The following P4HA2 variants were observed in gnomAD, a reference collection of about 807,000 sequenced individuals.
The protein encoded by P4HA2 is prolyl 4-hydroxylase subunit alpha-2.
A neutral mutation model predicts 76.9 loss-of-function variants in P4HA2; 46 were observed. The ratio of observed to expected loss-of-function variants is 0.60; its 90% CI spans 0.47 to 0.76. The LOEUF (loss-of-function observed/expected upper bound fraction) is 0.76. P4HA2 is among the 30% of genes least tolerant of loss of function. The probability of loss-of-function intolerance (pLI) is 0.00; values close to 1 mark genes in which losing one functional copy is unlikely to be tolerated. For missense variants in P4HA2, 583 were observed against 669.4 expected, an observed-to-expected ratio of 0.87 and a Z score of 1.42; for synonymous variants, 243 against 254.0, an observed-to-expected ratio of 0.96 and a Z score of 0.41.
chr5:132,203,451 T>G, intron 10 of P4HA2: 1 of 388,150 alleles, frequency 2.6e-6, no homozygotes, highest in Admixed American at 3.7e-5. Context: ...CCATTCAGGA[T>G]TTGAGCTTCT....
Position 132,223,146 on chromosome 5 carries a change from G to A in P4HA2, c.-18-4502C>T, listed in dbSNP as rs183771898. On this transcript the variant is annotated intron_variant, in intron 1 of 14. Coordinates refer to ENST00000360568, the MANE Select transcript of P4HA2 (RefSeq NM_001017974.2). ...CTCACTATCTCCAGACTCTGTTGAA[G>A]TACCAGACTGGCCTCCCCAGTGGCT... Among the ~76,000 whole-genome samples, 366 of 152,364 alleles carry A rather than the reference G, an allele frequency of 2.4e-3. 2 individuals carry two copies. The highest frequency in any genetic ancestry group is 4.0e-3 in the Non-Finnish European group (271 of 68,034).
At chr5:132,195,643 C>T (rs1281476567) in intron 12 of P4HA2, 163 bp from the exon 13 acceptor site, 2 of 651,382 alleles carry the variant, frequency 3.1e-6, no homozygotes, top group Admixed American at 2.2e-5. Context: ...AAGGCTCTTC[C>T]CATGCCTACT....
chr5:132,214,076 A>T (rs1336213857), intron 4 of P4HA2, 23 bp from the exon 5 acceptor site: 4 of 1,612,720 alleles, frequency 2.5e-6, no homozygotes, highest in Non-Finnish European at 3.4e-6. Context: ...AGTCAGAACA[A>T]GAGATTACCC....
At chr5:132,194,078 G>A (rs1750240841) in intron 14 of P4HA2, among the ~76,000 whole-genome samples, 1 of 151,858 alleles carries the variant, frequency 6.6e-6, no homozygotes, top group Admixed American at 6.6e-5. Context: ...TTCAACTTTG[G>A]AATTCTTTTA....
intron 1 of P4HA2, chr5:132,227,541 C>G (rs1193191317): frequency 1.3e-5 from 2 of 152,400 alleles, no homozygotes; most frequent in African/African-American, 4.8e-5. Flanking sequence ...CCGCTGACCT[C>G]ACCACCCTGA....
At position 132,193,005 on chromosome 5, in the gene P4HA2, G is replaced by C. The variant is rs1224324750; in HGVS notation, c.*5C>G. The stretch of plus-strand genomic sequence containing the variant: ...GACCAGGAAGGGGAAGGACAGAAAA[G>C]GATGTCAGTCAACTTCTGTTGATCC... On this transcript the variant is annotated 3_prime_UTR_variant, in exon 15 of 15. Coordinates refer to ENST00000360568, the MANE Select transcript of P4HA2 (RefSeq NM_001017974.2). 6.3e-7 allele frequency: 1 copy of C among 1,590,988 alleles called. No homozygotes were observed. The highest frequency in any genetic ancestry group is 1.7e-5 in the Admixed American group (1 of 59,984).
At chr5:132,209,448 C>A in intron 6 of P4HA2, 117 bp from the exon 7 acceptor site, 1 of 828,964 alleles carries the variant, frequency 1.2e-6, no homozygotes, top group South Asian at 1.6e-5. Flanking sequence ...CTGCATTCTA[C>A]CTTCCACAGC....
At position 132,218,618 on chromosome 5, in the gene P4HA2, G is replaced by A; in HGVS notation, c.9C>T (p.Leu3=). 6.2e-7 allele frequency: 1 copy of A among 1,613,214 alleles called. No homozygotes were observed. MK[L]WVSALLMAWF... is the part of the protein sequence containing the mutation. Reference sequence around the variant, plus strand: ...AGGCCATCAGCAATGCAGACACCCAGAGTTTCATGGTCACAGAGGGAAGTG... The same window carrying A: ...AGGCCATCAGCAATGCAGACACCCAAAGTTTCATGGTCACAGAGGGAAGTG... The change falls in exon 2 of 15, where the codon CTC becomes CTT. Residue 3 remains leucine (L), a synonymous_variant. Coordinates refer to ENST00000360568, the MANE Select transcript of P4HA2 (RefSeq NM_001017974.2).
At chr5:132,208,398 G>GA (rs1162138120) in intron 7 of P4HA2, among the ~76,000 whole-genome samples, 1 of 12,550 alleles carries the variant, frequency 8.0e-5, no homozygotes. Context: ...GGGAGGGGAG[G>GA]GGGAGGGGAG....
At chr5:132,218,694 A>G in intron 1 of P4HA2, 50 bp from the exon 2 acceptor site, 1 of 1,147,654 alleles carries the variant, frequency 8.7e-7, no homozygotes, top group African/African-American at 1.5e-5. Context: ...GAAAAAGACT[A>G]ATTTAGGTGA....
rs60259368 is a variant in P4HA2 at position 132,190,496 on chromosome 5, A to G, written c.*2514T>C. 3.1e-3 allele frequency among the ~76,000 whole-genome samples: 471 copies of G among 152,314 alleles called. 3 individuals carry two copies. The highest frequency in any genetic ancestry group is 0.011 in the African/African-American group (448 of 41,574). ...TTTATATATTAAGCCCCTGAGATTT[A>G]AGGATTATTACTACAGAAAAAGCCC... On this transcript the variant is annotated 3_prime_UTR_variant, in exon 15 of 15. Coordinates refer to ENST00000360568, the MANE Select transcript of P4HA2 (RefSeq NM_001017974.2).
intron 1 of P4HA2, among the ~76,000 whole-genome samples, chr5:132,225,921 A>G (rs1408787242): frequency 6.6e-6 from 1 of 152,200 alleles, no homozygotes; most frequent in African/African-American, 2.4e-5. Context: ...GCCCCCAGCC[A>G]ACTCACTCCA....
Position 132,194,959 on chromosome 5 carries a change from C to T in P4HA2, c.1498G>A (p.Ala500Thr), listed in dbSNP as rs756340406. Residue 500 changes from alanine to threonine, a missense_variant, in exon 14 of 15, where the codon GCT becomes ACT. Physicochemically the swap from Ala to Thr is moderately conservative, Grantham distance 58. Transcript: ENST00000360568. Reference protein sequence around the residue: ...SGEGDYRTRHAACPVLVGCKW... With the variant: ...SGEGDYRTRHTACPVLVGCKW... The stretch of plus-strand genomic sequence containing the variant: ...CAGCCCACAAGCACAGGGCAGGCAG[C>T]ATGTCTTGTTCGGTAGTCACCTTCC... 4 of 1,613,710 alleles carry T rather than the reference C, an allele frequency of 2.5e-6. No individual in the cohort carries two copies. Among genetic ancestry groups the T allele is most frequent in the Non-Finnish European group, 1.7e-6 (2 of 1,179,586 alleles).
intron 7 of P4HA2, 133 bp from the exon 8 acceptor site, chr5:132,208,017 A>G (rs1320565593): frequency 1.4e-5 from 9 of 660,132 alleles, no homozygotes; most frequent in Admixed American, 6.0e-5. Context: ...GAAGAAAACA[A>G]AAGTCCCAGC....
intron 7 of P4HA2, among the ~76,000 whole-genome samples, chr5:132,208,622 G>C (rs1186281014): frequency 6.6e-6 from 1 of 151,908 alleles, no homozygotes; most frequent in Non-Finnish European, 1.5e-5. Context: ...GGCTGGGACA[G>C]GGGAGAAACC....
chr5:132,214,680 G>C (rs1316210346), intron 4 of P4HA2, among the ~76,000 whole-genome samples: 1 of 152,056 alleles, frequency 6.6e-6, no homozygotes, highest in Non-Finnish European at 1.5e-5. Flanking sequence ...GGACCACCTA[G>C]ACAGGCCAAG....
chr5:132,212,133 G>A (rs1248569429), intron 5 of P4HA2, among the ~76,000 whole-genome samples: 3 of 152,176 alleles, frequency 2.0e-5, no homozygotes, highest in African/African-American at 7.2e-5. Flanking sequence ...TAGAGGGGTT[G>A]AGACAAAAGA....
chr5:132,195,362 T>C (rs201467851), intron 13 of P4HA2, 50 bp downstream of exon 13: 1 of 1,356,820 alleles, frequency 7.4e-7, no homozygotes, highest in South Asian at 1.2e-5. Flanking sequence ...ATGGACAAAG[T>C]AAAGTCTGAG....
At chr5:132,201,816 G>GT (rs1340422608) in intron 10 of P4HA2, 2 of 152,174 alleles carry the variant, frequency 1.3e-5, no homozygotes, top group African/African-American at 2.4e-5. Flanking sequence ...ACGGGTGAGT[G>GT]TAAGACAGGG....
Sources: allele counts gnomAD v4.1 joint callset (sites outside exome capture counted in the v4.1 genomes callset), GRCh38; gene constraint gnomAD v4.1.1; transcripts MANE v1.5; gene names NCBI Gene and HGNC (gene_info 2026-07-23, HGNC 2026-07-21).